CNTNAP4: variants seen among roughly 807,000 people sequenced by gnomAD.
CNTNAP4 encodes contactin-associated protein-like 4.
CNTNAP4 carries 98 observed loss-of-function variants against 148.4 expected under a neutral mutation model. The ratio of observed to expected loss-of-function variants is 0.66; its 90% CI spans 0.56 to 0.78. CNTNAP4 has a LOEUF of 0.78. Ranked by LOEUF, CNTNAP4 falls within the 30% of genes least tolerant of loss-of-function variation. The probability of loss-of-function intolerance (pLI) is 0.00; values close to 1 mark genes in which losing one functional copy is unlikely to be tolerated. For synonymous variants in CNTNAP4, 730 were observed against 565.1 expected (o/e 1.29, Z -4.14); for missense variants, 1,935 against 1,565.6 (o/e 1.24, Z -3.98).
rs182151426 is a variant in CNTNAP4 at position 76,544,001 on chromosome 16, T to C, written c.3442+3211T>C. ...GAACGCCACTCAACAAGGTAGACGT[T>C]ACATCTGCCCTTACAGAGCTTATGG... On this transcript the variant is annotated intron_variant, in intron 21 of 23. Coordinates refer to ENST00000611870, the MANE Select transcript of CNTNAP4 (RefSeq NM_033401.5). Among the ~76,000 whole-genome samples the C allele has an allele frequency of 4.5e-3, 683 of 152,332 alleles. 3 individuals carry two copies. The highest frequency in any genetic ancestry group is 8.2e-3 in the Non-Finnish European group (558 of 68,024).
Position 76,290,594 on chromosome 16 carries a change from T to C in CNTNAP4, c.85+12847T>C, listed in dbSNP as rs561671002. On this transcript the variant is annotated intron_variant, in intron 1 of 23. Coordinates refer to ENST00000611870, the MANE Select transcript of CNTNAP4 (RefSeq NM_033401.5). ...CTAAATTCCTTCTTTGAGTCAACAA[T>C]TTCAAGAAAAGGGTAAGTGGTTGAA... Among the ~76,000 whole-genome samples, 4 of 152,292 alleles carry C rather than the reference T, an allele frequency of 2.6e-5. No homozygotes were observed. The South Asian group carries it at 8.3e-4, about 32-fold the overall frequency.
At chr16:76,486,315 A>T (rs1484901433) in intron 12 of CNTNAP4, among the ~76,000 whole-genome samples, 1 of 152,234 alleles carries the variant, frequency 6.6e-6, no homozygotes, top group Non-Finnish European at 1.5e-5. Flanking sequence ...AAAGATTTTT[A>T]AAATGCATTA....
intron 15 of CNTNAP4, among the ~76,000 whole-genome samples, chr16:76,502,977 G>A (rs2082710776): frequency 6.6e-6 from 1 of 152,054 alleles, no homozygotes; most frequent in Admixed American, 6.5e-5. Context: ...CCGGTTATGA[G>A]GTTACCCCAA....
rs563958102 is a variant in CNTNAP4, at chr16:76,543,166, CAACTGACTCTCCTAAAAGTAT to C, written c.3442+2379_3442+2399del. Among the ~76,000 whole-genome samples the C allele has an allele frequency of 1.6e-3, 238 of 152,262 alleles. 6 individuals are homozygous for C. The South Asian group carries it at 0.045, about 29-fold the overall frequency. ...GAGCAATGAACTTTATGGTCTCAGT[CAACTGACTCTCCTAAAAGTAT>C]AAGTGATAATTTATTTGGCATATGT... On this transcript the variant is annotated intron_variant, in intron 21 of 23. Coordinates refer to ENST00000611870, the MANE Select transcript of CNTNAP4 (RefSeq NM_033401.5).
intron 9 of CNTNAP4, 92 bp from the exon 10 acceptor site, chr16:76,467,260 T>G: frequency 9.3e-7 from 1 of 1,074,266 alleles, no homozygotes; most frequent in African/African-American, 1.6e-5. Context: ...AATAATCATA[T>G]GCCTCTTTCT....
At chr16:76,491,950 C>T (rs2082239595) in intron 13 of CNTNAP4, among the ~76,000 whole-genome samples, 1 of 152,042 alleles carries the variant, frequency 6.6e-6, no homozygotes, top group Non-Finnish European at 1.5e-5. Flanking sequence ...CTGCAATGAA[C>T]ATGGGAGTGA....
chr16:76,373,488 C>A (rs1182546859), intron 3 of CNTNAP4, among the ~76,000 whole-genome samples: 1 of 152,106 alleles, frequency 6.6e-6, no homozygotes, highest in Non-Finnish European at 1.5e-5. Flanking sequence ...TAAATTTACT[C>A]CTTTCAGAAA....
intron 1 of CNTNAP4, among the ~76,000 whole-genome samples, chr16:76,298,317 A>C (rs956072247): frequency 5.3e-5 from 8 of 152,204 alleles, no homozygotes; most frequent in African/African-American, 1.9e-4. Flanking sequence ...GTTTAACTAA[A>C]ATGCAATAAG....
chr16:76,355,398 G>A lies in CNTNAP4; in HGVS notation c.277G>A (p.Ala93Thr), dbSNP rs374909736. 58 of 1,610,726 alleles carry A rather than the reference G, an allele frequency of 3.6e-5. No individual in the cohort carries two copies. Among genetic ancestry groups the A allele is most frequent in the East Asian group, 9.0e-5 (4 of 44,512 alleles). ...IDLGERMEVT[A>T]VATQGGYGSS... is the part of the protein sequence containing the mutation. The stretch of plus-strand genomic sequence containing the variant: ...CCTTGGAGAGAGAATGGAGGTCACC[G>A]CTGTGGCCACTCAAGGGGGATATGG... The change falls in exon 3 of 24, where the codon GCT (alanine) becomes ACT (threonine). Residue 93 changes from alanine (A) to threonine (T), a missense_variant. Ala to Thr is a moderately conservative substitution (Grantham distance 58). Coordinates refer to ENST00000611870, the MANE Select transcript of CNTNAP4 (RefSeq NM_033401.5).
In CNTNAP4 at chr16:76,467,459, G is replaced by A. The variant is rs895410030; in HGVS notation, c.1591G>A (p.Val531Ile). 1 of 1,613,916 alleles carries A rather than the reference G, an allele frequency of 6.2e-7. No individual in the cohort carries two copies. The highest frequency in any genetic ancestry group is 8.5e-7 in the Non-Finnish European group (1 of 1,179,856). ...ISGKVVDLIS[V>I]QQGSLGNFSD... ...CGGCAAAGTGGTAGATCTGATTTCAGTTCAGCAGGGGTCCCTTGGGAACTT... is the reference window on the plus strand; with the variant it reads ...CGGCAAAGTGGTAGATCTGATTTCAATTCAGCAGGGGTCCCTTGGGAACTT... Residue 531 changes from valine to isoleucine, a missense_variant, in exon 10 of 24, where the codon GTT becomes ATT. Val to Ile is a conservative substitution (Grantham distance 29). Transcript: ENST00000611870.
At chr16:76,544,917 C>G (rs984921462) in intron 21 of CNTNAP4, among the ~76,000 whole-genome samples, 6 of 152,188 alleles carry the variant, frequency 3.9e-5, no homozygotes, top group Non-Finnish European at 1.5e-5. Context: ...GAAGTCTACT[C>G]AGTCTCCTCT....
chr16:76,499,861 A>C (rs927491815), intron 15 of CNTNAP4, among the ~76,000 whole-genome samples: 25 of 152,074 alleles, frequency 1.6e-4, no homozygotes, highest in African/African-American at 6.0e-4. Context: ...TGTTTCAGAG[A>C]GCACGGGGTT....
intron 8 of CNTNAP4, 91 bp from the exon 9 acceptor site, chr16:76,461,865 C>CCA: frequency 9.6e-7 from 1 of 1,038,044 alleles, no homozygotes; most frequent in South Asian, 1.5e-5. Flanking sequence ...AGTACTGTAG[C>CCA]CAATTGAGTG....
intron 1 of CNTNAP4, among the ~76,000 whole-genome samples, chr16:76,311,949 T>G (rs1257260121): frequency 6.6e-6 from 1 of 152,214 alleles, no homozygotes; most frequent in Non-Finnish European, 1.5e-5. Flanking sequence ...AAAATGTTAT[T>G]TCCAATTTGA....
chr16:76,491,390 G>A (rs896529735), intron 13 of CNTNAP4, among the ~76,000 whole-genome samples: 5 of 152,178 alleles, frequency 3.3e-5, no homozygotes, highest in African/African-American at 4.8e-5. Flanking sequence ...TGGACGAATG[G>A]TTAATGAATC....
chr16:76,460,773 A>AAAAAAAAAAAAATATATATATATATATAT, intron 8 of CNTNAP4, among the ~76,000 whole-genome samples: 5 of 57,312 alleles, frequency 8.7e-5, no homozygotes, highest in African/African-American at 1.3e-4. Context: ...AAAAAAAAAA[A>AAAAAAAAAAAAATATATATATATATATAT]ATATATATAT....
chr16:76,374,376 A>AT (rs746896471), intron 3 of CNTNAP4, among the ~76,000 whole-genome samples: 5 of 152,316 alleles, frequency 3.3e-5, no homozygotes, highest in East Asian at 3.9e-4. Flanking sequence ...TATGTTACTA[A>AT]TTCCATCTTT....
At chr16:76,436,755 C>G (rs951219568) in intron 4 of CNTNAP4, among the ~76,000 whole-genome samples, 1 of 152,096 alleles carries the variant, frequency 6.6e-6, no homozygotes, top group Non-Finnish European at 1.5e-5. Context: ...TTGCCTAACT[C>G]TCTAAACAGT....
chr16:76,475,872 A>G lies in CNTNAP4; in HGVS notation c.1656-67A>G, dbSNP rs1201845652. ...ACATCTGTCTTTCTCATGACCAAGTATAAATGGTCAATACTTTAAGATATC... is the reference window on the plus strand; with the variant it reads ...ACATCTGTCTTTCTCATGACCAAGTGTAAATGGTCAATACTTTAAGATATC... On this transcript the variant is annotated intron_variant, in intron 10 of 23. Coordinates refer to ENST00000611870, the MANE Select transcript of CNTNAP4 (RefSeq NM_033401.5). 2.4e-5 allele frequency: 26 copies of G among 1,078,122 alleles called. No homozygotes were observed. The South Asian group carries it at 3.5e-4, about 14-fold the overall frequency. The allele number at this position is 1,078,122 out of a possible 1,614,324, so 66.8% of individuals were successfully genotyped here. A position where few individuals can be genotyped will look rare whatever the true frequency, so the allele number is the denominator to read the frequency against.
Sources: gnomAD v4.1 joint callset for allele counts (sites outside exome capture counted in the v4.1 genomes callset) on GRCh38, gnomAD v4.1.1 for gene constraint, MANE v1.5 for transcripts, NCBI Gene and HGNC (gene_info 2026-07-23, HGNC 2026-07-21) for gene names.